PTPRJ: variants seen among roughly 807,000 people sequenced by gnomAD.
The protein encoded by PTPRJ is receptor-type tyrosine-protein phosphatase eta.
PTPRJ carries 129 observed loss-of-function variants against 141.3 expected under a neutral mutation model. That is an observed-to-expected ratio of 0.91 (90% CI 0.79 to 1.06). PTPRJ has a LOEUF of 1.06. Among genes scored for constraint, PTPRJ ranks in the 50% least tolerant of loss-of-function variants. The pLI, the probability that PTPRJ is intolerant of heterozygous loss-of-function variation, is 0.00. For missense variants in PTPRJ, 1,601 were observed against 1,679.7 expected (o/e 0.95, Z 0.82); for synonymous variants, 610 against 640.5 (o/e 0.95, Z 0.72).
intron 1 of PTPRJ, among the ~76,000 whole-genome samples, chr11:47,987,989 C>A (rs1363114627): frequency 1.3e-5 from 2 of 152,212 alleles, no homozygotes; most frequent in African/African-American, 4.8e-5. Flanking sequence ...GGGAAGTTGT[C>A]CCCTGTTGCC....
chr11:48,072,677 T>G (rs1381815653), intron 1 of PTPRJ, among the ~76,000 whole-genome samples: 1 of 152,212 alleles, frequency 6.6e-6, no homozygotes, highest in Admixed American at 6.5e-5. Context: ...GATCATTGGC[T>G]TTTGTCCATT....
intron 1 of PTPRJ, among the ~76,000 whole-genome samples, chr11:48,023,995 A>G (rs1441097204): frequency 1.3e-5 from 2 of 151,870 alleles, no homozygotes; most frequent in African/African-American, 4.8e-5. Context: ...ATGGAAGTGA[A>G]AAAATAAAAA....
In PTPRJ at chr11:48,137,078, A is replaced by G. The variant is rs773175491; in HGVS notation, c.1949A>G (p.Asp650Gly). 4 of 1,604,230 alleles carry G rather than the reference A, an allele frequency of 2.5e-6. No individual in the cohort carries two copies. The Admixed American group carries it at 6.7e-5, about 27-fold the overall frequency. The change falls in exon 10 of 25, where the codon GAC becomes GGC. Residue 650 changes from aspartate (D) to glycine (G), a missense_variant. Transcript: ENST00000418331. ...ACTTTAAGTTGGCAGAACTTTGATG[A>G]CGCCTCTCCCACGTACTCCTACTGC... ...AATLSWQNFDDASPTYSYCLL... is the reference protein window; with the variant it reads ...AATLSWQNFDGASPTYSYCLL...
intron 1 of PTPRJ, among the ~76,000 whole-genome samples, chr11:48,037,912 G>C (rs527664154): frequency 1.4e-4 from 21 of 151,826 alleles, no homozygotes; most frequent in Non-Finnish European, 2.6e-4. Context: ...TGTTCTTTCT[G>C]GCCTCCGTGA....
At chr11:48,123,533 A>G in intron 4 of PTPRJ, 80 bp from the exon 5 acceptor site, 1 of 1,459,770 alleles carries the variant, frequency 6.9e-7, no homozygotes, top group Non-Finnish European at 9.3e-7. Context: ...ACCCGCTCCC[A>G]GCACTGAACC....
chr11:47,999,382 C>T (rs1337712784), intron 1 of PTPRJ, among the ~76,000 whole-genome samples: 2 of 152,204 alleles, frequency 1.3e-5, no homozygotes, highest in African/African-American at 4.8e-5. Context: ...ATAAGAGTTG[C>T]ACCTTTGAGC....
At chr11:47,986,456 G>A (rs1854052676) in intron 1 of PTPRJ, among the ~76,000 whole-genome samples, 1 of 152,212 alleles carries the variant, frequency 6.6e-6, no homozygotes, top group Admixed American at 6.5e-5. Context: ...CCAACTGCTA[G>A]TTGTGGCTGC....
chr11:47,981,243 G>T (rs982981287), intron 1 of PTPRJ, among the ~76,000 whole-genome samples: 11 of 152,108 alleles, frequency 7.2e-5, no homozygotes, highest in African/African-American at 2.7e-4. Flanking sequence ...GTGCCGCGGT[G>T]CCCGAGCCTC....
rs879325508 is a variant in PTPRJ at position 48,149,983 on chromosome 11, C to T, written c.3042-7C>T. 6.9e-7 allele frequency: 1 copy of T among 1,459,642 alleles called. No individual in the cohort carries two copies. The highest frequency in any genetic ancestry group is 9.5e-7 in the Non-Finnish European group (1 of 1,049,040). The allele number at this position is 1,459,642 out of a possible 1,614,324, so 90.4% of individuals were successfully genotyped here. On this transcript the variant is annotated splice_region_variant and splice_polypyrimidine_tract_variant and intron_variant, in intron 16 of 24. Coordinates refer to ENST00000418331, the MANE Select transcript of PTPRJ (RefSeq NM_002843.4). ...GCATATTTTTTCTTTCCCTTTCTATCATGAAGACCTAAAAAGTGAGTAATC... is the reference window on the plus strand; with the variant it reads ...GCATATTTTTTCTTTCCCTTTCTATTATGAAGACCTAAAAAGTGAGTAATC...
chr11:47,992,181 T>C (rs1854212211), intron 1 of PTPRJ, among the ~76,000 whole-genome samples: 1 of 152,150 alleles, frequency 6.6e-6, no homozygotes. Flanking sequence ...CTCTTTTTTT[T>C]TTTGTTTTTT....
At chr11:48,138,806 G>A (rs182207612) in intron 10 of PTPRJ, among the ~76,000 whole-genome samples, 22 of 152,216 alleles carry the variant, frequency 1.4e-4, no homozygotes, top group Admixed American at 1.2e-3. Flanking sequence ...TCTGCAGATG[G>A]GACAGTATAG....
intron 1 of PTPRJ, among the ~76,000 whole-genome samples, chr11:48,078,488 C>T (rs1208322180): frequency 6.6e-6 from 1 of 152,116 alleles, no homozygotes; most frequent in East Asian, 1.9e-4. Flanking sequence ...AGGTGTTTGA[C>T]CATTTTTAGA....
intron 1 of PTPRJ, among the ~76,000 whole-genome samples, chr11:48,060,417 GT>G (rs1017711116): frequency 3.6e-4 from 53 of 148,252 alleles, no homozygotes; most frequent in Middle Eastern, 3.5e-3. Flanking sequence ...AACAGAAGCT[GT>G]TTTTTTTTTC....
At chr11:48,139,888 C>A in intron 11 of PTPRJ, 112 bp downstream of exon 11, 2 of 1,137,610 alleles carry the variant, frequency 1.8e-6, no homozygotes, top group Non-Finnish European at 2.5e-6. Context: ...TTTTTTATTT[C>A]CCCTAAAATA....
chr11:48,087,106 A>C (rs764348389), intron 1 of PTPRJ, among the ~76,000 whole-genome samples: 2 of 152,232 alleles, frequency 1.3e-5, no homozygotes. Context: ...AGCTTATTCT[A>C]AAACTAAAAT....
chr11:48,072,617 A>T (rs887981295), intron 1 of PTPRJ, among the ~76,000 whole-genome samples: 5 of 152,172 alleles, frequency 3.3e-5, no homozygotes, highest in African/African-American at 1.2e-4. Context: ...TATATATCTT[A>T]CCCATTTGGA....
At chr11:47,985,346 A>C (rs1486177255) in intron 1 of PTPRJ, among the ~76,000 whole-genome samples, 2 of 150,172 alleles carry the variant, frequency 1.3e-5, no homozygotes, top group East Asian at 3.9e-4. Flanking sequence ...GTGTCTCGCT[A>C]TGTTGCCCAG....
At chr11:48,135,953 A>G in intron 8 of PTPRJ, 86 bp from the exon 9 acceptor site, 1 of 1,471,196 alleles carries the variant, frequency 6.8e-7, no homozygotes, top group Non-Finnish European at 9.3e-7. Context: ...ATGGCAAAAG[A>G]GCAGGTCCTC....
chr11:48,108,933 C>G (rs1044297295), intron 1 of PTPRJ, among the ~76,000 whole-genome samples: 9 of 152,158 alleles, frequency 5.9e-5, no homozygotes, highest in Non-Finnish European at 1.2e-4. Flanking sequence ...GCATGGGGCA[C>G]AGACAAGATC....
Sources: allele counts gnomAD v4.1 joint callset (sites outside exome capture counted in the v4.1 genomes callset), GRCh38; gene constraint gnomAD v4.1.1; transcripts MANE v1.5; gene names NCBI Gene and HGNC (gene_info 2026-07-23, HGNC 2026-07-21).